SLC38A4: variants seen among roughly 807,000 people sequenced by gnomAD.
The protein encoded by SLC38A4 is sodium-coupled neutral amino acid transporter 4.
Under a neutral mutation model 63.1 loss-of-function variants are expected in SLC38A4, and 20 were observed. That is an observed-to-expected ratio of 0.32 (90% CI 0.22 to 0.46). The LOEUF (loss-of-function observed/expected upper bound fraction) is 0.46. Among genes scored for constraint, SLC38A4 ranks in the 20% least tolerant of loss-of-function variants. The pLI is 1.00. For missense variants in SLC38A4, 526 were observed against 663.6 expected (o/e 0.79, Z 2.28); for synonymous variants, 230 against 225.5 (o/e 1.02, Z -0.18).
chr12:46,787,324 T>C (rs1262005876), intron 5 of SLC38A4, among the ~76,000 whole-genome samples: 1 of 152,030 alleles, frequency 6.6e-6, no homozygotes, highest in African/African-American at 2.4e-5. Flanking sequence ...CACTAAAACA[T>C]TAAAATTGTG....
At chr12:46,779,527 C>T in intron 10 of SLC38A4, 84 bp downstream of exon 10, 1 of 1,078,484 alleles carries the variant, frequency 9.3e-7, no homozygotes, top group South Asian at 1.5e-5. Flanking sequence ...TAGTGAAGTG[C>T]TTGAACAAAA....
At chr12:46,792,125 G>A (rs1208205535) in intron 3 of SLC38A4, among the ~76,000 whole-genome samples, 3 of 152,152 alleles carry the variant, frequency 2.0e-5, no homozygotes, top group Non-Finnish European at 1.5e-5. Context: ...TCTTGCAGGA[G>A]TGTAGAGGGC....
chr12:46,821,639 C>G (rs1939553025), intron 1 of SLC38A4, among the ~76,000 whole-genome samples: 2 of 152,068 alleles, frequency 1.3e-5, no homozygotes, highest in South Asian at 2.1e-4. Context: ...ATGGCTCCAG[C>G]TTTGTTCTTT....
chr12:46,826,389 A>G (rs989354110), upstream of SLC38A4, among the ~76,000 whole-genome samples: 3 of 152,232 alleles, frequency 2.0e-5, no homozygotes, highest in Admixed American at 2.0e-4. Flanking sequence ...AAATCTTCAT[A>G]GCAGATTATA....
At chr12:46,780,716 C>T (rs1380335418) in intron 7 of SLC38A4, among the ~76,000 whole-genome samples, 1 of 151,830 alleles carries the variant, frequency 6.6e-6, no homozygotes, top group African/African-American at 2.4e-5. Flanking sequence ...TGATTATCTA[C>T]TCTTGTGAAA....
At chr12:46,828,158 T>C (rs1334283471), upstream of SLC38A4, among the ~76,000 whole-genome samples, 3 of 152,136 alleles carry the variant, frequency 2.0e-5, no homozygotes, top group Non-Finnish European at 2.9e-5. Flanking sequence ...TTTCCTCACA[T>C]CCTCCAATTC....
At chr12:46,816,580 T>C (rs1349171771) in intron 1 of SLC38A4, among the ~76,000 whole-genome samples, 2 of 151,880 alleles carry the variant, frequency 1.3e-5, no homozygotes, top group African/African-American at 4.8e-5. Context: ...GATTAGGCCT[T>C]CTTTCGGCCT....
intron 7 of SLC38A4, among the ~76,000 whole-genome samples, chr12:46,783,258 T>C (rs1435347055): frequency 6.7e-6 from 1 of 150,308 alleles, no homozygotes; most frequent in Non-Finnish European, 1.5e-5. Context: ...GATAGATAGA[T>C]AGATAGATAG....
intron 1 of SLC38A4, among the ~76,000 whole-genome samples, chr12:46,812,733 T>C (rs778111076): frequency 2.0e-5 from 3 of 152,046 alleles, no homozygotes; most frequent in Non-Finnish European, 4.4e-5. Flanking sequence ...TCTTTCTCCC[T>C]GTGGAACTCT....
chr12:46,811,557 A>G (rs899602868), intron 1 of SLC38A4, among the ~76,000 whole-genome samples: 3 of 152,018 alleles, frequency 2.0e-5, no homozygotes, highest in Admixed American at 6.6e-5. Context: ...TGAGGATACC[A>G]TGTCTTTTCT....
intron 1 of SLC38A4, among the ~76,000 whole-genome samples, chr12:46,814,934 T>C (rs992094793): frequency 2.6e-5 from 4 of 151,982 alleles, no homozygotes; most frequent in Admixed American, 6.6e-5. Context: ...AAGGCTGTGG[T>C]GTCAAATACT....
In SLC38A4 at chr12:46,766,237, C is replaced by T. The variant is rs1938296090; in HGVS notation, c.*464G>A. The T allele has an allele frequency of 2.6e-6, 1 of 383,676 alleles. No homozygotes were observed. The highest frequency in any genetic ancestry group is 5.2e-6 in the Non-Finnish European group (1 of 192,370). The allele number at this position is 383,676 out of a possible 1,614,324, so 23.8% of individuals were successfully genotyped here. A position where few individuals can be genotyped will look rare whatever the true frequency, so the allele number is the denominator to read the frequency against. On this transcript the variant is annotated 3_prime_UTR_variant, in exon 17 of 17. Coordinates refer to ENST00000266579, the MANE Select transcript of SLC38A4 (RefSeq NM_018018.5). The stretch of plus-strand genomic sequence containing the variant: ...CTTTTGCCTCTGTTAGTAAACAGAC[C>T]AGAGACTTTGGTGCAAGACTGAGAG...
intron 1 of SLC38A4, among the ~76,000 whole-genome samples, chr12:46,813,508 C>A (rs1417732754): frequency 6.6e-6 from 1 of 151,980 alleles, no homozygotes; most frequent in Non-Finnish European, 1.5e-5. Context: ...AGCTGAGAGA[C>A]CTTAGATAAG....
chr12:46,766,671 C>T lies in SLC38A4; in HGVS notation c.*30G>A, dbSNP rs776814253. On this transcript the variant is annotated 3_prime_UTR_variant, in exon 17 of 17. Coordinates refer to ENST00000266579, the MANE Select transcript of SLC38A4 (RefSeq NM_018018.5). ...TTGGAGTATAACTTGTAACCATTTCCAATAGAAAAAGAAAGTATTTTTCCT... is the reference window on the plus strand; with the variant it reads ...TTGGAGTATAACTTGTAACCATTTCTAATAGAAAAAGAAAGTATTTTTCCT... 1 of 1,382,272 alleles carries T rather than the reference C, an allele frequency of 7.2e-7. No homozygotes were observed. The highest frequency in any genetic ancestry group is 1.7e-5 in the Admixed American group (1 of 57,856). The allele number at this position is 1,382,272 out of a possible 1,614,324, so 85.6% of individuals were successfully genotyped here.
chr12:46,793,835 A>C (rs1401876388), intron 2 of SLC38A4, among the ~76,000 whole-genome samples: 1 of 152,146 alleles, frequency 6.6e-6, no homozygotes, highest in African/African-American at 2.4e-5. Flanking sequence ...GTATTTTAAC[A>C]ACAAAGAGAT....
intron 1 of SLC38A4, among the ~76,000 whole-genome samples, chr12:46,817,222 T>C (rs1939457294): frequency 6.6e-6 from 1 of 151,954 alleles, no homozygotes; most frequent in African/African-American, 2.4e-5. Context: ...AGAGTGGTTC[T>C]GTACAAGAGT....
chr12:46,811,568 TTGTTA>T (rs1445639483), intron 1 of SLC38A4, among the ~76,000 whole-genome samples: 3 of 152,030 alleles, frequency 2.0e-5, no homozygotes, highest in African/African-American at 7.2e-5. Flanking sequence ...TGTCTTTTCT[TTGTTA>T]TGTTTAATTC....
At chr12:46,820,137 T>C (rs1939511974) in intron 1 of SLC38A4, among the ~76,000 whole-genome samples, 1 of 151,898 alleles carries the variant, frequency 6.6e-6, no homozygotes, top group South Asian at 2.1e-4. Context: ...ATGTAATAGA[T>C]ATATCCATCA....
In SLC38A4 at chr12:46,779,632, G is replaced by T. The variant is rs540201105; in HGVS notation, c.696C>A (p.Cys232Ter). The change falls in exon 10 of 17, where the codon TGC (cysteine) becomes TGA (stop). Residue 232 changes from cysteine (C) to a stop codon, truncating the protein, a stop_gained. Transcript: ENST00000266579. LOFTEE classifies it high-confidence loss of function. ...LGYTSGFSLTCMVFFVSVVIY... is the reference protein window; with the variant it reads ...LGYTSGFSLT ...TTACCACACTAACAAAAAACACCAT[G>T]CAGGTAAGAGAAAATCCACTGGTAT... The T allele has an allele frequency of 6.2e-7, 1 of 1,605,932 alleles. No individual in the cohort carries two copies. The highest frequency in any genetic ancestry group is 1.3e-5 in the African/African-American group (1 of 74,382).
Sources: gnomAD v4.1 joint callset for allele counts (sites outside exome capture counted in the v4.1 genomes callset) on GRCh38, gnomAD v4.1.1 for gene constraint, MANE v1.5 for transcripts, NCBI Gene and HGNC (gene_info 2026-07-23, HGNC 2026-07-21) for gene names.